OLFM2: variants seen among roughly 807,000 people sequenced by gnomAD.
OLFM2 encodes olfactomedin 2.
In OLFM2, 20 loss-of-function variants were observed where a neutral mutation model predicts 43.9. That is an observed-to-expected ratio of 0.46 (90% confidence interval 0.32 to 0.66). The LOEUF is 0.66. Among genes scored for constraint, OLFM2 ranks in the 30% least tolerant of loss-of-function variants. The pLI is 0.04. For missense variants in OLFM2, 416 were observed against 643.6 expected (o/e 0.65, Z 3.83); for synonymous variants, 268 against 278.6 (o/e 0.96, Z 0.38).
At chr19:9,913,844 C>T (rs1478710121) in intron 1 of OLFM2, 5 of 209,164 alleles carry the variant, frequency 2.4e-5, no homozygotes, top group Non-Finnish European at 4.1e-5. Context: ...CCGGCTCGGG[C>T]CCCCGCCCCC....
Position 9,867,804 on chromosome 19 carries a change from G to A in OLFM2, c.64-7010C>T, listed in dbSNP as rs578227866. ...GAATTCAGCCCATGGAAACTTTGTG[G>A]ACAGCATCTGATTGTTGCAAGGGAG... On this transcript the variant is annotated intron_variant, in intron 1 of 5. Transcript: ENST00000264833. 1.9e-3 allele frequency among the ~76,000 whole-genome samples: 285 copies of A among 152,290 alleles called. 1 individual carries two copies. The highest frequency in any genetic ancestry group is 6.8e-3 in the Middle Eastern group (2 of 294).
chr19:9,915,693 A>AT (rs1336092962), intron 1 of OLFM2, among the ~76,000 whole-genome samples: 3 of 151,280 alleles, frequency 2.0e-5, no homozygotes, highest in African/African-American at 7.3e-5. Flanking sequence ...AATTTTTTGT[A>AT]TTTTTTAGTA....
intron 1 of OLFM2, among the ~76,000 whole-genome samples, chr19:9,901,266 A>G (rs1254934180): frequency 1.0e-4 from 14 of 136,864 alleles, no homozygotes; most frequent in East Asian, 2.3e-4. Context: ...GGAGGGAGGG[A>G]GGGAAGGAAG....
chr19:9,926,058 G>C (rs908696908), intron 1 of OLFM2, among the ~76,000 whole-genome samples: 1 of 151,646 alleles, frequency 6.6e-6, no homozygotes, highest in African/African-American at 2.4e-5. Context: ...GATCCCTGGA[G>C]CCCAGGAGAT....
At chr19:9,868,259 A>C (rs1285831348) in intron 1 of OLFM2, among the ~76,000 whole-genome samples, 1 of 151,908 alleles carries the variant, frequency 6.6e-6, no homozygotes, top group Non-Finnish European at 1.5e-5. Flanking sequence ...ACGAGGTTTC[A>C]CCATGTTGGC....
chr19:9,935,802 GACAC>G (rs2086511330), intron 1 of OLFM2, among the ~76,000 whole-genome samples: 1 of 150,754 alleles, frequency 6.6e-6, no homozygotes, highest in Non-Finnish European at 1.5e-5. Flanking sequence ...ACGACACAAA[GACAC>G]ACACGTTTAC....
chr19:9,894,879 C>T (rs1177794842), intron 1 of OLFM2, among the ~76,000 whole-genome samples: 3 of 152,074 alleles, frequency 2.0e-5, no homozygotes, highest in Non-Finnish European at 4.4e-5. Flanking sequence ...CTCAGAGCTC[C>T]AATGCATATA....
chr19:9,899,661 C>T (rs1055119740), intron 1 of OLFM2, among the ~76,000 whole-genome samples: 32 of 152,080 alleles, frequency 2.1e-4, no homozygotes, highest in African/African-American at 7.0e-4. Flanking sequence ...CAGTGATCCT[C>T]CCATTTCAGC....
At chr19:9,930,055 G>C (rs1052192358) in intron 1 of OLFM2, among the ~76,000 whole-genome samples, 6 of 151,958 alleles carry the variant, frequency 3.9e-5, no homozygotes, top group Admixed American at 2.6e-4. Flanking sequence ...AAAAAAGAAA[G>C]AAAGAAAGAA....
At chr19:9,892,266 C>T (rs1209979745) in intron 1 of OLFM2, among the ~76,000 whole-genome samples, 1 of 152,032 alleles carries the variant, frequency 6.6e-6, no homozygotes, top group African/African-American at 2.4e-5. Flanking sequence ...GTGTGACAGC[C>T]TATATGGAGT....
At chr19:9,909,264 G>A (rs1471486064) in intron 1 of OLFM2, among the ~76,000 whole-genome samples, 1 of 152,090 alleles carries the variant, frequency 6.6e-6, no homozygotes, top group African/African-American at 2.4e-5. Flanking sequence ...AGGCAGAGGC[G>A]ACGGTCAAGG....
chr19:9,923,420 T>C (rs974755062), intron 1 of OLFM2, among the ~76,000 whole-genome samples: 3 of 151,278 alleles, frequency 2.0e-5, no homozygotes, highest in Non-Finnish European at 4.4e-5. Flanking sequence ...CCAGGTATGG[T>C]GGGTGCACAC....
intron 1 of OLFM2, among the ~76,000 whole-genome samples, chr19:9,863,843 AT>A (rs2046381645): frequency 6.6e-6 from 1 of 152,222 alleles, no homozygotes; most frequent in South Asian, 2.1e-4. Context: ...AAAACAAACC[AT>A]TCATAAACGC....
rs577980190 is a variant in OLFM2 at position 9,876,586 on chromosome 19, C to T, written c.64-15792G>A. On this transcript the variant is annotated intron_variant, in intron 1 of 5. Transcript: ENST00000264833. ...CTTTATCCCTTGGCTACACCTCCAACACACATTCCAGGGTTTCAAAGAAAT... is the reference window on the plus strand; with the variant it reads ...CTTTATCCCTTGGCTACACCTCCAATACACATTCCAGGGTTTCAAAGAAAT... Among the ~76,000 whole-genome samples, 16 of 152,340 alleles carry T rather than the reference C, an allele frequency of 1.1e-4. No individual in the cohort carries two copies. The South Asian group carries it at 3.3e-3, about 32-fold the overall frequency.
intron 1 of OLFM2, among the ~76,000 whole-genome samples, chr19:9,910,174 C>T (rs1346248620): frequency 6.6e-6 from 1 of 151,992 alleles, no homozygotes; most frequent in Admixed American, 6.6e-5. Flanking sequence ...TACACTCCAG[C>T]CTGGGTGACA....
chr19:9,909,692 T>C (rs2046813224), intron 1 of OLFM2, among the ~76,000 whole-genome samples: 1 of 152,182 alleles, frequency 6.6e-6, no homozygotes, highest in South Asian at 2.1e-4. Flanking sequence ...TCCCCGACGT[T>C]GGGGTGCTAA....
At chr19:9,912,330 C>T (rs778040436) in intron 1 of OLFM2, among the ~76,000 whole-genome samples, 10 of 152,128 alleles carry the variant, frequency 6.6e-5, no homozygotes, top group Non-Finnish European at 1.2e-4. Flanking sequence ...CACACCCTTG[C>T]CTTCGACCCT....
chr19:9,922,910 CAAA>C (rs530892316), intron 1 of OLFM2, among the ~76,000 whole-genome samples: 14 of 73,856 alleles, frequency 1.9e-4, no homozygotes, highest in Middle Eastern at 8.1e-3. Flanking sequence ...GACCCTGTCT[CAAA>C]AAAAAAAAAA....
In OLFM2 at chr19:9,857,090, C is replaced by A; in HGVS notation, c.580+173G>T. 2.4e-6 allele frequency: 2 copies of A among 821,660 alleles called. No individual in the cohort carries two copies. The highest frequency in any genetic ancestry group is 4.0e-6 in the Non-Finnish European group (2 of 503,304). The allele number at this position is 821,660 out of a possible 1,614,324, so 50.9% of individuals were successfully genotyped here. On this transcript the variant is annotated intron_variant, in intron 4 of 5. Transcript: ENST00000264833. The surrounding 1 kb of genome is among the most constrained non-coding windows in gnomAD (Gnocchi z 5.7). Reference sequence around the variant, plus strand: ...GAGTGAGGGGTTAGAGGCCAAGGGTCAGGGCCATTTCCAGCTTCTGGACTC... The same window carrying A: ...GAGTGAGGGGTTAGAGGCCAAGGGTAAGGGCCATTTCCAGCTTCTGGACTC...
Sources: gnomAD v4.1 joint callset for allele counts (sites outside exome capture counted in the v4.1 genomes callset) on GRCh38, gnomAD v4.1.1 for gene constraint, Gnocchi (gnomAD v3.1) non-coding constraint, MANE v1.5 for transcripts, NCBI Gene and HGNC (gene_info 2026-07-23, HGNC 2026-07-21) for gene names.